The following GPHN variants were observed in gnomAD, a reference collection of about 807,000 sequenced individuals.
GPHN encodes the protein gephyrin.
Under a neutral mutation model 95.5 loss-of-function variants are expected in GPHN, and 17 were observed. The observed-to-expected ratio is 0.18, with a 90% CI of 0.12 to 0.27. The LOEUF (loss-of-function observed/expected upper bound fraction) is 0.27, where lower values mean the gene tolerates loss of function less well. GPHN is among the 10% of genes least tolerant of loss of function. The pLI, the probability that GPHN is intolerant of heterozygous loss-of-function variation, is 1.00. For missense variants in GPHN, 660 were observed against 978.1 expected (o/e 0.67, Z 4.34); for synonymous variants, 320 against 322.5 (o/e 0.99, Z 0.08).
At chr14:67,418,016 G>T in the GPHN span, among the ~76,000 whole-genome samples, 1 of 152,190 alleles carries the variant, frequency 6.6e-6, no homozygotes, top group Non-Finnish European at 1.5e-5. Flanking sequence ...AAAGTGCTGG[G>T]TGTATAGGAG....
the GPHN span, chr14:67,225,001 A>T: frequency 1.3e-6 from 1 of 798,140 alleles, no homozygotes; most frequent in Non-Finnish European, 1.9e-6. Context: ...ATTCAAAATA[A>T]GCTCTTTCTC....
chr14:67,257,326 A>G, the GPHN span, among the ~76,000 whole-genome samples: 1 of 151,910 alleles, frequency 6.6e-6, no homozygotes, highest in South Asian at 2.1e-4. Context: ...TCCACAAGGA[A>G]TTTCCTTGTG....
chr14:66,672,746 T>G (rs1310044004), intron 1 of GPHN, among the ~76,000 whole-genome samples: 1 of 152,240 alleles, frequency 6.6e-6, no homozygotes, highest in Non-Finnish European at 1.5e-5. Context: ...TTGATCAGTG[T>G]TAGCATGGCA....
chr14:67,386,143 C>T, the GPHN span: 2 of 152,488 alleles, frequency 1.3e-5, no homozygotes, highest in African/African-American at 4.8e-5. Flanking sequence ...AGATGAACAC[C>T]TATCGATATT....
At chr14:66,613,862 CTTA>C (rs1260564803) in intron 1 of GPHN, among the ~76,000 whole-genome samples, 1 of 152,044 alleles carries the variant, frequency 6.6e-6, no homozygotes, top group Admixed American at 6.5e-5. Context: ...ATTTTAAATT[CTTA>C]TTATTAATGC....
chr14:67,373,505 T>C, the GPHN span, among the ~76,000 whole-genome samples: 2 of 152,194 alleles, frequency 1.3e-5, no homozygotes, highest in Admixed American at 1.3e-4. Context: ...CCTAATCTGA[T>C]AAAGAGTGTC....
chr14:66,805,727 G>T (rs2060516005), intron 3 of GPHN, among the ~76,000 whole-genome samples: 1 of 152,178 alleles, frequency 6.6e-6, no homozygotes, highest in African/African-American at 2.4e-5. Context: ...TCACAACCAG[G>T]CCACACTGAT....
At chr14:67,611,589 A>G in the GPHN span, among the ~76,000 whole-genome samples, 1 of 152,018 alleles carries the variant, frequency 6.6e-6, no homozygotes, top group African/African-American at 2.4e-5. Context: ...TAATTGTATC[A>G]CTGGTAAACT....
intron 1 of GPHN, among the ~76,000 whole-genome samples, chr14:66,614,018 G>A (rs1030061468): frequency 2.0e-5 from 3 of 151,814 alleles, no homozygotes; most frequent in Non-Finnish European, 4.4e-5. Flanking sequence ...ATTTTTTGGC[G>A]GCAGTATATA....
At chr14:66,561,477 C>T (rs997227053) in intron 1 of GPHN, among the ~76,000 whole-genome samples, 1 of 151,970 alleles carries the variant, frequency 6.6e-6, no homozygotes, top group Admixed American at 6.6e-5. Context: ...TCTGAGGTAG[C>T]ATGGACTAAA....
chr14:66,723,294 A>T (rs1181830951), intron 2 of GPHN, among the ~76,000 whole-genome samples: 1 of 151,328 alleles, frequency 6.6e-6, no homozygotes, highest in African/African-American at 2.4e-5. Flanking sequence ...AACTTTATAA[A>T]TATAAACTTT....
chr14:66,854,790 A>G (rs889304805), intron 4 of GPHN, among the ~76,000 whole-genome samples: 4 of 151,388 alleles, frequency 2.6e-5, no homozygotes, highest in Non-Finnish European at 5.9e-5. Context: ...GGTATATTAC[A>G]TTTATTTTCT....
chr14:66,777,242 C>T (rs548487790), intron 3 of GPHN, among the ~76,000 whole-genome samples: 113 of 152,208 alleles, frequency 7.4e-4, no homozygotes, highest in African/African-American at 2.5e-3. Flanking sequence ...ATAAATTCCT[C>T]GACAAATACA....
At chr14:67,613,525 C>G in the GPHN span, 1 of 173,576 alleles carries the variant, frequency 5.8e-6, no homozygotes, top group African/African-American at 2.4e-5. Flanking sequence ...GAGACCATGT[C>G]TCCAAACCCA....
At chr14:67,555,877 C>T in the GPHN span, 2 of 1,613,622 alleles carry the variant, frequency 1.2e-6, no homozygotes, top group South Asian at 2.2e-5. Flanking sequence ...GCAGAGAACG[C>T]TGAGACCCAG....
the GPHN span, among the ~76,000 whole-genome samples, chr14:67,196,301 C>T: frequency 6.6e-4 from 100 of 151,922 alleles, no homozygotes; most frequent in African/African-American, 2.4e-3. Flanking sequence ...ACTGCAACCT[C>T]CACCTCTCAT....
intron 10 of GPHN, among the ~76,000 whole-genome samples, chr14:67,035,107 G>A (rs2074357745): frequency 6.6e-6 from 1 of 151,844 alleles, no homozygotes. Context: ...AGGAAAACTG[G>A]AAGATACACA....
At chr14:66,866,371 ATT>A (rs2063222285) in intron 4 of GPHN, among the ~76,000 whole-genome samples, 2 of 152,168 alleles carry the variant, frequency 1.3e-5, no homozygotes, top group African/African-American at 2.4e-5. Flanking sequence ...GAATATCAAT[ATT>A]CTTTCATCTT....
the GPHN span, among the ~76,000 whole-genome samples, chr14:67,272,386 C>T: frequency 6.6e-6 from 1 of 152,132 alleles, no homozygotes; most frequent in Non-Finnish European, 1.5e-5. Flanking sequence ...CTTCCAACCT[C>T]GTTTTTCATC....
Sources: allele counts gnomAD v4.1 joint callset (sites outside exome capture counted in the v4.1 genomes callset), GRCh38; gene constraint gnomAD v4.1.1; transcripts MANE v1.5; gene names NCBI Gene and HGNC (gene_info 2026-07-23, HGNC 2026-07-21).